Variants in AUTS2 observed in about 807,000 individuals in gnomAD.
AUTS2 encodes activator of transcription and developmental regulator AUTS2.
A neutral mutation model predicts 112.4 loss-of-function variants in AUTS2; 17 were observed. That is an observed-to-expected ratio of 0.15 (90% CI 0.10 to 0.23). The LOEUF (loss-of-function observed/expected upper bound fraction) is 0.23. AUTS2 is among the 10% of genes least tolerant of loss of function. The probability of loss-of-function intolerance (pLI) is 1.00; values close to 1 mark genes in which losing one functional copy is unlikely to be tolerated. For synonymous variants in AUTS2, 751 were observed against 702.7 expected, an observed-to-expected ratio of 1.07 and a Z score of -1.09; for missense variants, 1,510 against 1,701.6, an observed-to-expected ratio of 0.89 and a Z score of 1.98.
chr7:69,853,139 G>C lies in AUTS2; in HGVS notation c.310-46147G>C, dbSNP rs546020569. On this transcript the variant is annotated intron_variant, in intron 1 of 18. Transcript: ENST00000342771. ...TAAGTGTAGTGTGCTATAAATGTCA[G>C]TTAGATCCTAGCCTGTTGATGGCAT... is the stretch of plus-strand genomic sequence containing the variant. Among the ~76,000 whole-genome samples, 16 of 152,254 alleles carry C rather than the reference G, an allele frequency of 1.1e-4. No homozygotes were observed. The East Asian group carries it at 3.1e-3, about 29-fold the overall frequency.
At chr7:70,684,134 G>GAA (rs772073906) in intron 5 of AUTS2, among the ~76,000 whole-genome samples, 2 of 135,114 alleles carry the variant, frequency 1.5e-5, no homozygotes, top group Non-Finnish European at 1.6e-5. Context: ...TAAGGCTAGG[G>GAA]AAAAAAAAAA....
chr7:70,074,870 A>C (rs1802953780), intron 2 of AUTS2, among the ~76,000 whole-genome samples: 1 of 152,220 alleles, frequency 6.6e-6, no homozygotes, highest in Non-Finnish European at 1.5e-5. Flanking sequence ...ACCAATCCCC[A>C]AATTTGAACC....
At chr7:69,876,480 T>TTGTGTG (rs71097493) in intron 1 of AUTS2, among the ~76,000 whole-genome samples, 16 of 60,500 alleles carry the variant, frequency 2.6e-4, no homozygotes, top group Non-Finnish European at 3.3e-4. Flanking sequence ...ATAAAATATT[T>TTGTGTG]TGTGTATATA....
chr7:69,779,246 G>T (rs543733287), intron 1 of AUTS2, among the ~76,000 whole-genome samples: 3 of 151,768 alleles, frequency 2.0e-5, no homozygotes, highest in Non-Finnish European at 4.4e-5. Context: ...TTTATTTAGG[G>T]ACCCCCAGAA....
intron 2 of AUTS2, among the ~76,000 whole-genome samples, chr7:69,962,286 G>A (rs541102807): frequency 2.0e-5 from 3 of 152,122 alleles, no homozygotes; most frequent in African/African-American, 4.8e-5. Flanking sequence ...TTGGCAGTGG[G>A]CCCTGGCTTC....
chr7:70,481,943 C>T (rs1797804663), intron 5 of AUTS2, among the ~76,000 whole-genome samples: 1 of 152,126 alleles, frequency 6.6e-6, no homozygotes, highest in Non-Finnish European at 1.5e-5. Context: ...GCCATAAGAT[C>T]TCATGGGAAA....
At chr7:70,412,330 G>C (rs1480559659) in intron 4 of AUTS2, among the ~76,000 whole-genome samples, 2 of 151,760 alleles carry the variant, frequency 1.3e-5, no homozygotes, top group Non-Finnish European at 2.9e-5. Flanking sequence ...CTTATTTTTA[G>C]CTTCCAGGAA....
chr7:70,190,623 A>C (rs753115063), intron 4 of AUTS2, among the ~76,000 whole-genome samples: 1 of 152,188 alleles, frequency 6.6e-6, no homozygotes, highest in Non-Finnish European at 1.5e-5. Flanking sequence ...ATGGTTCCCT[A>C]GGTCTCTTTG....
intron 5 of AUTS2, among the ~76,000 whole-genome samples, chr7:70,481,199 C>T (rs1022809743): frequency 9.2e-5 from 14 of 152,170 alleles, no homozygotes; most frequent in Non-Finnish European, 1.8e-4. Context: ...ATGAAGGGCT[C>T]ATGCTTGTGT....
intron 4 of AUTS2, among the ~76,000 whole-genome samples, chr7:70,334,365 T>TA (rs1039042867): frequency 7.2e-5 from 11 of 152,188 alleles, no homozygotes; most frequent in African/African-American, 2.7e-4. Context: ...AGTAAAATCT[T>TA]AAAGAGTAGG....
chr7:70,676,679 C>T (rs1249068279), intron 5 of AUTS2, among the ~76,000 whole-genome samples: 1 of 152,114 alleles, frequency 6.6e-6, no homozygotes, highest in Non-Finnish European at 1.5e-5. Context: ...GAGTTTGAGA[C>T]CAGCCTGGGC....
At chr7:70,513,114 C>T (rs1334341008) in intron 5 of AUTS2, among the ~76,000 whole-genome samples, 1 of 152,196 alleles carries the variant, frequency 6.6e-6, no homozygotes, top group Non-Finnish European at 1.5e-5. Context: ...TTAGGGAGCC[C>T]TTTACAGTAA....
At chr7:69,640,495 C>T (rs889297032) in intron 1 of AUTS2, among the ~76,000 whole-genome samples, 4 of 152,208 alleles carry the variant, frequency 2.6e-5, no homozygotes, top group African/African-American at 7.2e-5. Flanking sequence ...TTCTTCAACC[C>T]GTAAATGCTG....
chr7:69,733,225 G>A (rs1022216866), intron 1 of AUTS2, among the ~76,000 whole-genome samples: 3 of 152,124 alleles, frequency 2.0e-5, no homozygotes, highest in African/African-American at 7.2e-5. Context: ...TGGGACCCAG[G>A]AACCTTTGGT....
chr7:69,668,225 T>C (rs751165003), intron 1 of AUTS2, among the ~76,000 whole-genome samples: 6 of 152,228 alleles, frequency 3.9e-5, no homozygotes, highest in Non-Finnish European at 8.8e-5. Context: ...TTTTTGTGGT[T>C]CTGTTTTGCT....
intron 1 of AUTS2, among the ~76,000 whole-genome samples, chr7:69,887,260 CAAA>C (rs1212888240): frequency 1.3e-5 from 2 of 151,594 alleles, no homozygotes; most frequent in Non-Finnish European, 2.9e-5. Context: ...CTAAAAAATA[CAAA>C]AAATTAGCCG....
intron 1 of AUTS2, among the ~76,000 whole-genome samples, chr7:69,725,144 A>C (rs1340178349): frequency 6.6e-6 from 1 of 152,280 alleles, no homozygotes; most frequent in South Asian, 2.1e-4. Flanking sequence ...TTTGTTCTCT[A>C]TTATAGTTGA....
intron 5 of AUTS2, among the ~76,000 whole-genome samples, chr7:70,539,708 G>A (rs1800466667): frequency 6.6e-6 from 1 of 152,070 alleles, no homozygotes; most frequent in Non-Finnish European, 1.5e-5. Context: ...CTTTTACACT[G>A]CGAATCGCGA....
chr7:70,295,006 G>C (rs1220795001), intron 4 of AUTS2, among the ~76,000 whole-genome samples: 3 of 152,186 alleles, frequency 2.0e-5, no homozygotes, highest in Non-Finnish European at 4.4e-5. Context: ...TGATTTCACT[G>C]TGTAAAAGAG....
Sources: allele counts gnomAD v4.1 joint callset (sites outside exome capture counted in the v4.1 genomes callset), GRCh38; gene constraint gnomAD v4.1.1; transcripts MANE v1.5; gene names NCBI Gene and HGNC (gene_info 2026-07-23, HGNC 2026-07-21).